Variants in EML6 observed in about 807,000 individuals in gnomAD.
The protein encoded by EML6 is EMAP like 6.
A neutral mutation model predicts 240.1 loss-of-function variants in EML6; 154 were observed. The ratio of observed to expected loss-of-function variants is 0.64; its 90% CI spans 0.56 to 0.73. EML6 has a LOEUF of 0.73. Ranked by LOEUF, EML6 falls within the 30% of genes least tolerant of loss-of-function variation. The pLI, the probability that EML6 is intolerant of heterozygous loss-of-function variation, is 0.00. For missense variants in EML6, 2,964 were observed against 2,474.6 expected (o/e 1.20, Z -4.20); for synonymous variants, 1,148 against 899.0 (o/e 1.28, Z -4.95).
chr2:54,733,630 G>A (rs1272238995), intron 2 of EML6, among the ~76,000 whole-genome samples: 1 of 152,094 alleles, frequency 6.6e-6, no homozygotes, highest in Non-Finnish European at 1.5e-5. Context: ...CTTAACTCAA[G>A]GATTCATTTT....
intron 9 of EML6, among the ~76,000 whole-genome samples, chr2:54,849,734 T>G (rs1669968758): frequency 1.3e-5 from 2 of 152,218 alleles, no homozygotes; most frequent in Admixed American, 1.3e-4. Flanking sequence ...GTGATCCGTC[T>G]GCCTCGGCCT....
At chr2:54,899,882 A>C (rs1672965770) in intron 22 of EML6, 100 bp downstream of exon 22, 10 of 1,141,338 alleles carry the variant, frequency 8.8e-6, no homozygotes, top group Non-Finnish European at 9.8e-6. Flanking sequence ...CACGTGTTAT[A>C]TGCCCATAAA....
At chr2:54,782,936 T>C (rs1668914254) in intron 2 of EML6, among the ~76,000 whole-genome samples, 1 of 152,196 alleles carries the variant, frequency 6.6e-6, no homozygotes, top group African/African-American at 2.4e-5. Context: ...GCTGGGATGA[T>C]TAAATAATCT....
At chr2:54,936,704 C>T (rs1675150873) in intron 28 of EML6, among the ~76,000 whole-genome samples, 1 of 151,936 alleles carries the variant, frequency 6.6e-6, no homozygotes, top group Non-Finnish European at 1.5e-5. Flanking sequence ...GACTGTCTAT[C>T]CAGGGATGAA....
intron 28 of EML6, among the ~76,000 whole-genome samples, chr2:54,942,049 G>C (rs1675457403): frequency 6.6e-6 from 1 of 152,148 alleles, no homozygotes. Flanking sequence ...TGAATATGAT[G>C]CTATTTTCAT....
intron 25 of EML6, among the ~76,000 whole-genome samples, chr2:54,914,327 C>T (rs1027747221): frequency 9.9e-5 from 15 of 152,152 alleles, no homozygotes; most frequent in Admixed American, 9.8e-4. Flanking sequence ...CACCATGAAG[C>T]CTCTCAATTT....
chr2:54,964,743 G>C lies in EML6; in HGVS notation c.5493+10G>C. On this transcript the variant is annotated intron_variant, in intron 38 of 41. Coordinates refer to ENST00000356458, the MANE Select transcript of EML6 (RefSeq NM_001039753.4). ...TGGCAAATACATTCAGGTATGCTTG[G>C]GGTTTACTTATATCTGGGGCAACCA... 1 of 1,551,534 alleles carries C rather than the reference G, an allele frequency of 6.4e-7. No homozygotes were observed. The highest frequency in any genetic ancestry group is 1.2e-5 in the South Asian group (1 of 84,024).
rs987666560 is a variant in EML6 at position 54,847,698 on chromosome 2, A to T, written c.1187+75A>T. 3.4e-6 allele frequency: 5 copies of T among 1,469,550 alleles called. No homozygotes were observed. In the African/African-American group the frequency reaches 7.0e-5, roughly 21 times the overall value. 91.0% of individuals were successfully genotyped at this position (1,469,550 alleles called of 1,614,324 possible). A position where few individuals can be genotyped will look rare whatever the true frequency, so the allele number is the denominator to read the frequency against. ...GTTACAATTTTCCTGGTCATAATAC[A>T]TGCTAGGACCTTAGGAAAAATCCAT... On this transcript the variant is annotated intron_variant, in intron 9 of 41. Transcript: ENST00000356458.
At chr2:54,933,651 G>C (rs1674979531) in intron 28 of EML6, among the ~76,000 whole-genome samples, 1 of 152,006 alleles carries the variant, frequency 6.6e-6, no homozygotes, top group African/African-American at 2.4e-5. Context: ...CCAATCGCTT[G>C]AACCCAGGAG....
At chr2:54,796,487 GGTAA>G (rs1485623747) in intron 2 of EML6, among the ~76,000 whole-genome samples, 2 of 149,894 alleles carry the variant, frequency 1.3e-5, no homozygotes, top group South Asian at 2.1e-4. Context: ...TTTTTGTTTT[GGTAA>G]GTTTTTTTTT....
chr2:54,928,840 TTG>T, intron 28 of EML6, 89 bp downstream of exon 28: 1 of 1,471,628 alleles, frequency 6.8e-7, no homozygotes, highest in Non-Finnish European at 9.3e-7. Flanking sequence ...GCCCTCAAAG[TTG>T]CTGTTTAAGT....
chr2:54,759,298 C>T (rs558952750), intron 2 of EML6, among the ~76,000 whole-genome samples: 1 of 151,106 alleles, frequency 6.6e-6, no homozygotes, highest in East Asian at 1.9e-4. Context: ...TAGCTATCTT[C>T]AAAACTTGAG....
chr2:54,838,267 T>C lies in EML6; in HGVS notation c.848-5780T>C, dbSNP rs145805016. The stretch of plus-strand genomic sequence containing the variant: ...AGATGTGAACTTAATAGAAAGATCC[T>C]GACCTAGCACAAAACCCGCGGGTTA... On this transcript the variant is annotated intron_variant, in intron 7 of 41. Transcript: ENST00000356458. Among the ~76,000 whole-genome samples the C allele has an allele frequency of 5.1e-4, 77 of 152,302 alleles. No individual in the cohort carries two copies. The South Asian group carries it at 7.9e-3, about 16-fold the overall frequency.
chr2:54,960,148 G>A, intron 34 of EML6, 72 bp from the exon 35 acceptor site: 2 of 1,107,880 alleles, frequency 1.8e-6, no homozygotes, highest in Non-Finnish European at 2.7e-6. Flanking sequence ...GGGAAAGAGG[G>A]GAGAGGGCCG....
At chr2:54,819,731 C>T (rs984891306) in intron 4 of EML6, among the ~76,000 whole-genome samples, 2 of 91,402 alleles carry the variant, frequency 2.2e-5, no homozygotes, top group African/African-American at 3.1e-5. Context: ...GCCGAGATCA[C>T]GCCACTGCAC....
Position 54,817,770 on chromosome 2 carries a change from A to C in EML6, c.456+885A>C, listed in dbSNP as rs907009632. 1.9e-4 allele frequency among the ~76,000 whole-genome samples: 29 copies of C among 152,252 alleles called. 1 individual carries two copies. The highest frequency in any genetic ancestry group is 6.7e-4 in the African/African-American group (28 of 41,536). On this transcript the variant is annotated intron_variant, in intron 4 of 41. Transcript: ENST00000356458. ...ATGTAGAATGAGGCTCTAATTAAAC[A>C]TGAAATTCACTGTCTCTTGCTTAGA...
chr2:54,846,729 C>T (rs942671946), intron 8 of EML6, among the ~76,000 whole-genome samples: 1 of 152,070 alleles, frequency 6.6e-6, no homozygotes, highest in African/African-American at 2.4e-5. Context: ...AGCAATCTTC[C>T]TGCCTTGGCC....
chr2:54,946,329 T>A (rs1230973417), intron 28 of EML6, among the ~76,000 whole-genome samples: 2 of 152,084 alleles, frequency 1.3e-5, no homozygotes, highest in Non-Finnish European at 2.9e-5. Flanking sequence ...TCCCTGCCAA[T>A]GCCGGGTTGT....
At chr2:54,732,024 T>C (rs1558512454) in intron 2 of EML6, among the ~76,000 whole-genome samples, 1 of 152,212 alleles carries the variant, frequency 6.6e-6, no homozygotes, top group Admixed American at 6.5e-5. Flanking sequence ...TGATATCTCA[T>C]TGTGGTTTTA....
Sources: gnomAD v4.1 joint callset for allele counts (sites outside exome capture counted in the v4.1 genomes callset) on GRCh38, gnomAD v4.1.1 for gene constraint, MANE v1.5 for transcripts, NCBI Gene and HGNC (gene_info 2026-07-23, HGNC 2026-07-21) for gene names.